RFWD3: variants seen among roughly 807,000 people sequenced by gnomAD.
The protein encoded by RFWD3 is E3 ubiquitin-protein ligase RFWD3.
In RFWD3, 65 loss-of-function variants were observed where a neutral mutation model predicts 87.7. That is an observed-to-expected ratio of 0.74 (90% confidence interval 0.61 to 0.91). The LOEUF is 0.91. Ranked by LOEUF, RFWD3 falls within the 40% of genes least tolerant of loss-of-function variation. RFWD3 has a pLI of 0.00. For missense variants in RFWD3, 1,078 were observed against 938.5 expected (o/e 1.15, Z -1.94); for synonymous variants, 433 against 352.8 (o/e 1.23, Z -2.55).
intron 3 of RFWD3, among the ~76,000 whole-genome samples, chr16:74,651,339 C>T (rs371942194): frequency 2.0e-5 from 3 of 152,064 alleles, no homozygotes; most frequent in African/African-American, 4.8e-5. Flanking sequence ...GAATCTAGGC[C>T]GGGTGCAGTG....
Position 74,626,495 on chromosome 16 carries a change from T to G in RFWD3, c.2029A>C (p.Thr677Pro). 6.2e-7 allele frequency: 1 copy of G among 1,614,174 alleles called. No homozygotes were observed. Among genetic ancestry groups the G allele is most frequent in the Non-Finnish European group, 8.5e-7 (1 of 1,180,018 alleles). ...TGGCAGGAGCAGATTGGATTTCCAG[T>G]GTCATCCAGTCGGTAGGACATTTCC... ...LMEMSYRLDDTGNPICSCQPV... is the reference protein window; with the variant it reads ...LMEMSYRLDDPGNPICSCQPV... Residue 677 changes from threonine (T) to proline (P), a missense_variant, in exon 12 of 13, where the codon ACT (threonine) becomes CCT (proline). By Grantham distance (38) the Thr-to-Pro change is conservative. Transcript: ENST00000361070.
At chr16:74,663,244 A>G (rs1961605426) in intron 1 of RFWD3, among the ~76,000 whole-genome samples, 1 of 152,140 alleles carries the variant, frequency 6.6e-6, no homozygotes, top group South Asian at 2.1e-4. Context: ...AGATTAAACC[A>G]CCTGAGGAAC....
rs72792722 is a variant in RFWD3, at chr16:74,652,626, G to A, written c.519-504C>T. Among the ~76,000 whole-genome samples the A allele has an allele frequency of 3.7e-3, 570 of 152,152 alleles. 1 individual carries two copies. The highest frequency in any genetic ancestry group is 6.2e-3 in the Non-Finnish European group (419 of 68,002). Reference sequence around the variant, plus strand: ...ATTTTTCTTTTAAAATTTAAATAATGTTAGTTTTAAGATAAAAAACATAAA... The same window carrying A: ...ATTTTTCTTTTAAAATTTAAATAATATTAGTTTTAAGATAAAAAACATAAA... On this transcript the variant is annotated intron_variant, in intron 2 of 12. Coordinates refer to ENST00000361070, the MANE Select transcript of RFWD3 (RefSeq NM_018124.4).
At chr16:74,637,594 C>T (rs1959253206) in intron 7 of RFWD3, among the ~76,000 whole-genome samples, 1 of 152,170 alleles carries the variant, frequency 6.6e-6, no homozygotes, top group South Asian at 2.1e-4. Context: ...GATCACATCA[C>T]TGCACTCCAG....
chr16:74,660,981 C>T lies in RFWD3; in HGVS notation c.469G>A (p.Ala157Thr), dbSNP rs756785516. The change falls in exon 2 of 13, where the codon GCT (alanine) becomes ACT (threonine). Residue 157 changes from alanine (A) to threonine (T), a missense_variant. By Grantham distance (58) the Ala-to-Thr change is moderately conservative. Coordinates refer to ENST00000361070, the MANE Select transcript of RFWD3 (RefSeq NM_018124.4). ...GPMRTRRRVSASRRARAGGSQ... is the reference protein window; with the variant it reads ...GPMRTRRRVSTSRRARAGGSQ... ...CCTCCGGCTCTTGCCCTCCGTGAAGCAGATACCCTCCTTCTTGTTCTCATT... is the reference window on the plus strand; with the variant it reads ...CCTCCGGCTCTTGCCCTCCGTGAAGTAGATACCCTCCTTCTTGTTCTCATT... The T allele has an allele frequency of 3.7e-6, 6 of 1,614,166 alleles. No homozygotes were observed. The South Asian group carries it at 6.6e-5, about 18-fold the overall frequency.
At chr16:74,625,761 C>A (rs1435952976) in intron 12 of RFWD3, among the ~76,000 whole-genome samples, 1 of 152,242 alleles carries the variant, frequency 6.6e-6, no homozygotes, top group Non-Finnish European at 1.5e-5. Context: ...TCTAGTCACA[C>A]AAGTTTATAT....
At position 74,636,363 on chromosome 16, in the gene RFWD3, TGAG is replaced by T. The variant is rs142800777; in HGVS notation, c.1406_1408del (p.Pro469del). On this transcript the variant is annotated inframe_deletion, in exon 8 of 13. Coordinates refer to ENST00000361070, the MANE Select transcript of RFWD3 (RefSeq NM_018124.4). ...CTCTTTACCTGGAAGAAAAGAGGCC[TGAG>T]GAGAAGGCTGTGATATCACCAGGCA... The T allele has an allele frequency of 8.7e-6, 14 of 1,614,068 alleles. No individual in the cohort carries two copies. The East Asian group carries it at 3.1e-4, about 36-fold the overall frequency.
At chr16:74,632,067 C>T (rs1000070959) in intron 9 of RFWD3, among the ~76,000 whole-genome samples, 6 of 152,232 alleles carry the variant, frequency 3.9e-5, no homozygotes, top group Middle Eastern at 3.4e-3. Flanking sequence ...AAATGGATCT[C>T]AGAAGACACA....
intron 6 of RFWD3, chr16:74,643,927 T>C (rs977032148): frequency 2.8e-5 from 6 of 213,658 alleles, no homozygotes; most frequent in Non-Finnish European, 5.8e-5. Flanking sequence ...TCTGCCCACC[T>C]TGGCCTCCCA....
At chr16:74,646,827 C>A (rs1316376558) in intron 4 of RFWD3, among the ~76,000 whole-genome samples, 1 of 152,162 alleles carries the variant, frequency 6.6e-6, no homozygotes, top group Non-Finnish European at 1.5e-5. Flanking sequence ...AATCCCAGCA[C>A]TTTGGGAGCC....
chr16:74,632,305 T>A (rs909644237), intron 9 of RFWD3, among the ~76,000 whole-genome samples: 1 of 152,056 alleles, frequency 6.6e-6, no homozygotes. Context: ...GGCAGGAGAA[T>A]GGCCTGAACC....
chr16:74,641,158 CAG>C (rs1491321810), intron 6 of RFWD3, among the ~76,000 whole-genome samples: 2 of 151,852 alleles, frequency 1.3e-5, no homozygotes, highest in Admixed American at 6.6e-5. Context: ...AAAACACAAA[CAG>C]ATAATTTTTT....
chr16:74,624,429 CTT>C (rs1958861311), intron 12 of RFWD3, among the ~76,000 whole-genome samples: 1 of 152,192 alleles, frequency 6.6e-6, no homozygotes, highest in Admixed American at 6.5e-5. Flanking sequence ...GAGTCTCACT[CTT>C]GTCACCCAGG....
chr16:74,661,171 G>T lies in RFWD3; in HGVS notation c.279C>A (p.Asn93Lys). The part of the protein sequence containing the change: ...VEVLGEDTVE[N>K]INPRTSEQHR... ...GTTGTTCTGAAGTTCTTGGATTGAT[G>T]TTCTCCACAGTGTCTTCTCCCAAGA... Residue 93 changes from asparagine to lysine, a missense_variant, in exon 2 of 13, where the codon AAC (asparagine) becomes AAA (lysine). Physicochemically the swap from Asn to Lys is moderately conservative, Grantham distance 94 (BLOSUM62 0). Coordinates refer to ENST00000361070, the MANE Select transcript of RFWD3 (RefSeq NM_018124.4). 1 of 1,614,186 alleles carries T rather than the reference G, an allele frequency of 6.2e-7. No homozygotes were observed. Among genetic ancestry groups the T allele is most frequent in the South Asian group, 1.1e-5 (1 of 91,084 alleles).
At chr16:74,664,221 GATT>G (rs1961693942) in intron 1 of RFWD3, 1 of 152,198 alleles carries the variant, frequency 6.6e-6, no homozygotes, top group Non-Finnish European at 1.5e-5. Flanking sequence ...AAAGTGCTGG[GATT>G]ACAGGAGTGA....
At chr16:74,632,100 G>A (rs1209693168) in intron 9 of RFWD3, among the ~76,000 whole-genome samples, 2 of 152,012 alleles carry the variant, frequency 1.3e-5, no homozygotes, top group African/African-American at 2.4e-5. Flanking sequence ...AAAAAACAGA[G>A]CTAAGGTCGG....
intron 3 of RFWD3, among the ~76,000 whole-genome samples, chr16:74,651,559 C>G (rs145084957): frequency 1.3e-5 from 2 of 152,082 alleles, no homozygotes; most frequent in Non-Finnish European, 2.9e-5. Context: ...GCGGAAGTTG[C>G]AGTAAGCTGA....
At chr16:74,646,888 C>T (rs1334536267) in intron 4 of RFWD3, among the ~76,000 whole-genome samples, 4 of 151,720 alleles carry the variant, frequency 2.6e-5, no homozygotes, top group South Asian at 2.1e-4. Context: ...CTGGCTAACA[C>T]GGTGAAACCC....
At position 74,623,364 on chromosome 16, in the gene RFWD3, G is replaced by C. The variant is rs1326366834; in HGVS notation, c.*564C>G. 6.5e-6 allele frequency: 1 copy of C among 152,898 alleles called. No homozygotes were observed. Among genetic ancestry groups the C allele is most frequent in the African/African-American group, 2.4e-5 (1 of 41,462 alleles). 9.5% of individuals were successfully genotyped at this position (152,898 alleles called of 1,614,324 possible). On this transcript the variant is annotated 3_prime_UTR_variant, in exon 13 of 13. Transcript: ENST00000361070. ...GTGTGCTATCACACACTTGTGTGGA[G>C]ATGAGACAAGTTACTAAAAGATTGT...
Sources: gnomAD v4.1 joint callset for allele counts (sites outside exome capture counted in the v4.1 genomes callset) on GRCh38, gnomAD v4.1.1 for gene constraint, MANE v1.5 for transcripts, NCBI Gene and HGNC (gene_info 2026-07-23, HGNC 2026-07-21) for gene names.